The following ANK3 variants were observed in gnomAD, a reference collection of about 807,000 sequenced individuals.
ANK3 encodes the protein ankyrin 3.
In ANK3, 57 loss-of-function variants were observed where a neutral mutation model predicts 370.9. The observed-to-expected ratio is 0.15, with a 90% CI of 0.12 to 0.19. ANK3 has a LOEUF of 0.19. ANK3 is among the 10% of genes least tolerant of loss of function. The pLI is 1.00. For missense variants in ANK3, 4,439 were observed against 5,302.1 expected, an observed-to-expected ratio of 0.84 and a Z score of 5.06; for synonymous variants, 1,929 against 1,946.3, an observed-to-expected ratio of 0.99 and a Z score of 0.23.
intron 1 of ANK3, among the ~76,000 whole-genome samples, chr10:60,326,078 GA>G (rs2049785842): frequency 6.6e-6 from 1 of 152,140 alleles, no homozygotes; most frequent in African/African-American, 2.4e-5. Flanking sequence ...GCTAAATAAA[GA>G]GAACACATAG....
rs578253991 is a variant in ANK3 at position 60,042,916 on chromosome 10, C to T, written c.13066-157G>A. 4.1e-6 allele frequency: 6 copies of T among 1,456,142 alleles called. No individual in the cohort carries two copies. The African/African-American group carries it at 4.3e-5, about 10-fold the overall frequency. 90.2% of individuals were successfully genotyped at this position (1,456,142 alleles called of 1,614,324 possible). On this transcript the variant is annotated intron_variant, in intron 42 of 43. Coordinates refer to ENST00000280772, the MANE Select transcript of ANK3 (RefSeq NM_020987.5). ...AAATACGTACAATCTTTAGCTTAAC[C>T]ACACAGTTTAGCATCATCAAGCAAG...
intron 1 of ANK3, among the ~76,000 whole-genome samples, chr10:60,293,406 T>C (rs2041874268): frequency 6.6e-6 from 1 of 152,234 alleles, no homozygotes; most frequent in South Asian, 2.1e-4. Flanking sequence ...AACAACTTGC[T>C]TTGTATTGAA....
chr10:60,390,078 G>A (rs1427472107), upstream of ANK3, among the ~76,000 whole-genome samples: 2 of 152,204 alleles, frequency 1.3e-5, no homozygotes, highest in Non-Finnish European at 2.9e-5. Context: ...GAATGGAGCT[G>A]TTCCTACTTT....
intron 43 of ANK3, among the ~76,000 whole-genome samples, chr10:60,038,444 G>A (rs1418967674): frequency 2.6e-5 from 4 of 152,144 alleles, no homozygotes; most frequent in African/African-American, 9.7e-5. Flanking sequence ...TTGCCCACTT[G>A]TTAATGGGGT....
At chr10:60,724,840 G>A (rs2079918377) in intron 1 of ANK3, among the ~76,000 whole-genome samples, 1 of 152,064 alleles carries the variant, frequency 6.6e-6, no homozygotes, top group Non-Finnish European at 1.5e-5. Flanking sequence ...TAAGCCTTGT[G>A]GTAACAGAGT....
chr10:60,641,870 G>A (rs912475137), intron 1 of ANK3, among the ~76,000 whole-genome samples: 5 of 151,338 alleles, frequency 3.3e-5, no homozygotes, highest in Admixed American at 6.6e-5. Context: ...GAAAATTTTT[G>A]CAACCTACTC....
At chr10:60,270,067 T>C (rs950881058) in intron 5 of ANK3, 64 bp downstream of exon 5, 2 of 1,092,948 alleles carry the variant, frequency 1.8e-6, no homozygotes, top group Non-Finnish European at 2.6e-6. Context: ...AATTCACAAC[T>C]CCAGGTTTTC....
At chr10:60,672,376 GAAT>G (rs1450877847) in intron 1 of ANK3, among the ~76,000 whole-genome samples, 13 of 152,146 alleles carry the variant, frequency 8.5e-5, no homozygotes, top group Non-Finnish European at 1.8e-4. Flanking sequence ...TAGAAGCTTG[GAAT>G]TTTCAGCCCT....
chr10:60,451,940 A>C (rs1171884435), intron 2 of ANK3, among the ~76,000 whole-genome samples: 1 of 152,192 alleles, frequency 6.6e-6, no homozygotes, highest in Non-Finnish European at 1.5e-5. Context: ...GACCTGTGGA[A>C]AGGTTACTTC....
intron 25 of ANK3, among the ~76,000 whole-genome samples, chr10:60,119,400 T>A (rs10740009): frequency 1.3e-4 from 20 of 152,236 alleles, no homozygotes; most frequent in Non-Finnish European, 2.2e-4. Flanking sequence ...GACATGTTAC[T>A]GTGCATAGCA....
At chr10:60,694,257 C>T (rs1005719875) in intron 1 of ANK3, among the ~76,000 whole-genome samples, 91 of 152,232 alleles carry the variant, frequency 6.0e-4, no homozygotes, top group Admixed American at 1.1e-3. Context: ...TGTGAAAAGA[C>T]CAAATCTACA....
At chr10:60,165,822 G>A (rs2095610126) in intron 23 of ANK3, among the ~76,000 whole-genome samples, 1 of 152,120 alleles carries the variant, frequency 6.6e-6, no homozygotes, top group African/African-American at 2.4e-5. Flanking sequence ...GTCAAATGAT[G>A]CAAGAAAAAC....
In ANK3 at chr10:60,240,294, A is replaced by G. The variant is rs2097428955; in HGVS notation, c.799-5508T>C. 4.9e-5 allele frequency among the ~76,000 whole-genome samples: 5 copies of G among 101,092 alleles called. No individual in the cohort carries two copies. In the South Asian group the frequency reaches 1.6e-3, roughly 33 times the overall value. The allele number at this position is 101,092 out of a possible 152,430, so 66.3% of individuals were successfully genotyped here. A position where few individuals can be genotyped will look rare whatever the true frequency, so the allele number is the denominator to read the frequency against. On this transcript the variant is annotated intron_variant, in intron 7 of 43. Coordinates refer to ENST00000280772, the MANE Select transcript of ANK3 (RefSeq NM_020987.5). ...TATACACACACACATATATATATAT[A>G]TATATATATATATTTTTTTTTCTTT...
At chr10:60,031,417 T>C (rs947292138) in intron 43 of ANK3, among the ~76,000 whole-genome samples, 1 of 152,226 alleles carries the variant, frequency 6.6e-6, no homozygotes, top group Non-Finnish European at 1.5e-5. Flanking sequence ...TTTCATACTT[T>C]TGTGTGCTAT....
chr10:60,086,765 A>C lies in ANK3; in HGVS notation c.3660T>G (p.Ile1220Met), dbSNP rs774481623. 3 of 1,614,036 alleles carry C rather than the reference A, an allele frequency of 1.9e-6. No homozygotes were observed. Among genetic ancestry groups the C allele is most frequent in the Non-Finnish European group, 2.5e-6 (3 of 1,179,996 alleles). ...RKFHKPITMT[I>M]PVPPPSGEGV... ...CTTCTCCTGAGGGCGGGGGCACCGG[A>C]ATGGTCATTGTGATTGGTTTATGGA... is the stretch of plus-strand genomic sequence containing the variant. The change falls in exon 30 of 44, where the codon ATT becomes ATG. Residue 1220 changes from isoleucine (I) to methionine (M), a missense_variant. Transcript: ENST00000280772.
At chr10:60,581,829 C>G (rs1179700885) in intron 2 of ANK3, among the ~76,000 whole-genome samples, 2 of 152,100 alleles carry the variant, frequency 1.3e-5, no homozygotes, top group Non-Finnish European at 2.9e-5. Flanking sequence ...TGAGAAAAGG[C>G]TGCAGCTTAC....
rs550629190 is a variant in ANK3, at chr10:60,586,395, G to A, written c.96+28791C>T. ...CCAAAATTTCTATGGACCAGTGACA[G>A]CTGTGGCTCACCTTCGTTTTTCCAA... On this transcript the variant is annotated intron_variant, in intron 2 of 43. Coordinates refer to the ANK3 transcript ENST00000373827. Among the ~76,000 whole-genome samples, 4 of 152,278 alleles carry A rather than the reference G, an allele frequency of 2.6e-5. No homozygotes were observed. The South Asian group carries it at 6.2e-4, about 24-fold the overall frequency.
intron 2 of ANK3, among the ~76,000 whole-genome samples, chr10:60,474,580 A>G (rs1183797121): frequency 6.6e-6 from 1 of 152,220 alleles, no homozygotes; most frequent in African/African-American, 2.4e-5. Context: ...TGATTTTAAG[A>G]TCTGTGATTT....
At chr10:60,410,433 T>C (rs1408277885) in intron 2 of ANK3, among the ~76,000 whole-genome samples, 1 of 152,206 alleles carries the variant, frequency 6.6e-6, no homozygotes. Flanking sequence ...TGTTTGATAC[T>C]TAATAGGTGG....
Sources: gnomAD v4.1 joint callset for allele counts (sites outside exome capture counted in the v4.1 genomes callset) on GRCh38, gnomAD v4.1.1 for gene constraint, MANE v1.5 for transcripts, NCBI Gene and HGNC (gene_info 2026-07-23, HGNC 2026-07-21) for gene names.